MED1: variants seen among roughly 807,000 people sequenced by gnomAD.
MED1 encodes the protein mediator of RNA polymerase II transcription subunit 1.
Under a neutral mutation model 121.3 loss-of-function variants are expected in MED1, and 17 were observed. That is an observed-to-expected ratio of 0.14 (90% CI 0.10 to 0.21). The LOEUF (loss-of-function observed/expected upper bound fraction) is 0.21. Among genes scored for constraint, MED1 ranks in the 10% least tolerant of loss-of-function variants. MED1 has a pLI of 1.00. For missense variants in MED1, 1,558 were observed against 1,919.4 expected, an observed-to-expected ratio of 0.81 and a Z score of 3.52; for synonymous variants, 661 against 694.4, an observed-to-expected ratio of 0.95 and a Z score of 0.76.
intron 3 of MED1, among the ~76,000 whole-genome samples, chr17:39,442,834 G>A (rs2048691533): frequency 6.8e-6 from 1 of 147,158 alleles, no homozygotes; most frequent in Non-Finnish European, 1.5e-5. Context: ...GAACCCAGGA[G>A]GCAGAGGTTG....
At chr17:39,445,181 A>G (rs1360279723) in intron 2 of MED1, among the ~76,000 whole-genome samples, 1 of 152,118 alleles carries the variant, frequency 6.6e-6, no homozygotes, top group Non-Finnish European at 1.5e-5. Context: ...TCATAAATTA[A>G]TAAATAAGCA....
intron 3 of MED1, among the ~76,000 whole-genome samples, chr17:39,441,846 TA>T (rs1195752994): frequency 1.3e-5 from 2 of 152,184 alleles, no homozygotes; most frequent in Non-Finnish European, 2.9e-5. Context: ...CTCACGCCTG[TA>T]ATCCCAACAC....
Position 39,431,117 on chromosome 17 carries a change from C to G in MED1, c.647G>C (p.Gly216Ala). ...ACAAGCAAAATAGGATCACGTACCCCCACTCCTTGGTGTGAGATAGCCAAC... is the reference window on the plus strand; with the variant it reads ...ACAAGCAAAATAGGATCACGTACCCGCACTCCTTGGTGTGAGATAGCCAAC... ...GSVGYLTPRS[G>A]GHLMNLKYYV... The change falls in exon 9 of 17, where the codon GGG (glycine) becomes GCG (alanine). Residue 216 changes from glycine to alanine, a missense_variant and splice_region_variant. Gly to Ala is a moderately conservative substitution (Grantham distance 60). Coordinates refer to ENST00000300651, the MANE Select transcript of MED1 (RefSeq NM_004774.4). 6.2e-7 allele frequency: 1 copy of G among 1,610,824 alleles called. No individual in the cohort carries two copies. The highest frequency in any genetic ancestry group is 8.5e-7 in the Non-Finnish European group (1 of 1,177,118).
In MED1 at chr17:39,428,670, C is replaced by T. The variant is rs370928316; in HGVS notation, c.650-880G>A. ...ATAAAAAATAAAGAAATATGACAGG[C>T]GCTTGGGTGTGGTGGCACACACCTG... On this transcript the variant is annotated intron_variant, in intron 9 of 16. Transcript: ENST00000300651. Among the ~76,000 whole-genome samples the T allele has an allele frequency of 1.6e-4, 24 of 150,678 alleles. No homozygotes were observed. In the East Asian group the frequency reaches 3.2e-3, roughly 20 times the overall value.
In MED1 at chr17:39,423,387, C is replaced by G. The variant is rs1234183197; in HGVS notation, c.1035G>C (p.Gln345His). 2.5e-6 allele frequency: 4 copies of G among 1,614,006 alleles called. No individual in the cohort carries two copies. Among genetic ancestry groups the G allele is most frequent in the African/African-American group, 1.3e-5 (1 of 75,000 alleles). The change falls in exon 13 of 17, where the codon CAG becomes CAC. Residue 345 changes from glutamine (Q) to histidine (H), a missense_variant. By Grantham distance (24) the Gln-to-His change is conservative. Around this residue, in one of 5 missense-constraint regions of MED1, gnomAD observed 443 missense variants for 532.4 expected, o/e 0.83. Coordinates refer to ENST00000300651, the MANE Select transcript of MED1 (RefSeq NM_004774.4). ...GGTCAGGGTCCTTTGATAGCTCAAA[C>G]TGAGTGATCAGTTCATACAGGGGTG... ...TYAPLYELIT[Q>H]FELSKDPDPI...
chr17:39,429,122 C>T (rs190778974), intron 9 of MED1, among the ~76,000 whole-genome samples: 15 of 151,408 alleles, frequency 9.9e-5, no homozygotes, highest in East Asian at 7.9e-4. Flanking sequence ...GAGTTCAAGT[C>T]TATAGTGAGT....
rs756374273 is a variant in MED1, at chr17:39,434,251, G to C, written c.498C>G (p.Asp166Glu). Residue 166 changes from aspartate (D) to glutamate (E), a missense_variant and splice_region_variant, in exon 7 of 17, where the codon GAC (aspartate) becomes GAG (glutamate). Around this residue, in one of 5 missense-constraint regions of MED1, gnomAD observed 443 missense variants for 532.4 expected, o/e 0.83. Transcript: ENST00000300651. Reference protein sequence around the residue: ...GLVNLYNLPGDNKLKTKMYLA... With the variant: ...GLVNLYNLPGENKLKTKMYLA... ...GCAAAAATATTAAAAATACTTACTT[G>C]TCCCCTGGAAGGTTATACAGATTAA... 6.5e-7 allele frequency: 1 copy of C among 1,532,604 alleles called. No individual in the cohort carries two copies. 94.9% of individuals were successfully genotyped at this position (1,532,604 alleles called of 1,614,324 possible).
intron 13 of MED1, among the ~76,000 whole-genome samples, chr17:39,420,657 A>G (rs1293175246): frequency 6.6e-6 from 1 of 151,958 alleles, no homozygotes; most frequent in African/African-American, 2.4e-5. Context: ...CTTTTGAGAC[A>G]GGGTTTCACT....
Position 39,447,784 on chromosome 17 carries a change from A to T in MED1, c.132+14T>A. On this transcript the variant is annotated intron_variant, in intron 2 of 16. Transcript: ENST00000300651. Reference sequence around the variant, plus strand: ...CTAAGCAAAACACTTTACCCACTTCACCACAATCCTTACCATGACTTGACG... The same window carrying T: ...CTAAGCAAAACACTTTACCCACTTCTCCACAATCCTTACCATGACTTGACG... The T allele has an allele frequency of 6.3e-7, 1 of 1,586,968 alleles. No individual in the cohort carries two copies. The highest frequency in any genetic ancestry group is 1.1e-5 in the South Asian group (1 of 89,748).
intron 16 of MED1, among the ~76,000 whole-genome samples, chr17:39,414,693 C>CGG (rs926766931): frequency 9.3e-5 from 10 of 107,318 alleles, no homozygotes; most frequent in Non-Finnish European, 1.4e-4. Flanking sequence ...AACAAAAACA[C>CGG]GGAGTCTTGC....
At chr17:39,431,653 T>C (rs1036096258) in intron 8 of MED1, among the ~76,000 whole-genome samples, 1 of 152,274 alleles carries the variant, frequency 6.6e-6, no homozygotes, top group Non-Finnish European at 1.5e-5. Flanking sequence ...ACCTCCAAAG[T>C]AAAGGGATTA....
At chr17:39,426,213 AAGAC>A (rs2048514070) in intron 10 of MED1, among the ~76,000 whole-genome samples, 1 of 152,160 alleles carries the variant, frequency 6.6e-6, no homozygotes, top group African/African-American at 2.4e-5. Flanking sequence ...TTCGGAGGCC[AAGAC>A]AGGTGGATCA....
intron 10 of MED1, among the ~76,000 whole-genome samples, chr17:39,426,817 A>G (rs2048519233): frequency 6.6e-6 from 1 of 152,096 alleles, no homozygotes; most frequent in African/African-American, 2.4e-5. Context: ...TACAGGCATG[A>G]GCCACCGCGC....
At chr17:39,421,682 C>A (rs1597859926) in intron 13 of MED1, among the ~76,000 whole-genome samples, 1 of 152,128 alleles carries the variant, frequency 6.6e-6, no homozygotes, top group Non-Finnish European at 1.5e-5. Context: ...AGTCACTGTG[C>A]CCAGCCTCTT....
chr17:39,430,860 A>G (rs934116676), intron 9 of MED1, among the ~76,000 whole-genome samples: 4 of 152,060 alleles, frequency 2.6e-5, no homozygotes, highest in South Asian at 4.2e-4. Flanking sequence ...TCTACCAACA[A>G]TAGAATAAAT....
At position 39,409,053 on chromosome 17, in the gene MED1, G is replaced by A; in HGVS notation, c.3168C>T (p.Ala1056=). 6.2e-7 allele frequency: 1 copy of A among 1,614,116 alleles called. No homozygotes were observed. ...TAGTGATTTTGGGAATGGGTGGTGTGGCAACACCTGGGGGAGTCTGAGATC... is the reference window on the plus strand; with the variant it reads ...TAGTGATTTTGGGAATGGGTGGTGTAGCAACACCTGGGGGAGTCTGAGATC... The part of the protein sequence containing the change: ...AGRSQTPPGV[A]TPPIPKITIQ... Residue 1056 remains alanine (A), a synonymous_variant, in exon 17 of 17, where the codon GCC becomes GCT. Transcript: ENST00000300651.
rs747738951 is a variant in MED1 at position 39,440,456 on chromosome 17, A to G, written c.329T>C (p.Val110Ala). 6.3e-7 allele frequency: 1 copy of G among 1,599,626 alleles called. No individual in the cohort carries two copies. Among genetic ancestry groups the G allele is most frequent in the Non-Finnish European group, 8.5e-7 (1 of 1,176,762 alleles). ...ECYITSDMFY[V>A]EVQLDPAGQL... ...TCCTGCAGGATCTAACTGCACTTCC[A>G]CATAGAACATATCTGACGTGATGTA... The change falls in exon 5 of 17, where the codon GTG (valine) becomes GCG (alanine). Residue 110 changes from valine (V) to alanine (A), a missense_variant. Physicochemically the swap from Val to Ala is moderately conservative, Grantham distance 64. This residue lies in a region of MED1 where 443 missense variants were observed against 532.4 expected (regional missense o/e 0.83). Coordinates refer to ENST00000300651, the MANE Select transcript of MED1 (RefSeq NM_004774.4). The surrounding 1 kb of genome is among the most constrained non-coding windows in gnomAD (Gnocchi z 4.1).
In MED1 at chr17:39,447,920, G is replaced by T; in HGVS notation, c.26-16C>A. The T allele has an allele frequency of 6.4e-7, 1 of 1,553,872 alleles. No homozygotes were observed. On this transcript the variant is annotated splice_polypyrimidine_tract_variant and intron_variant, in intron 1 of 16. Transcript: ENST00000300651. ...TTTTCTGACTCTATGATTTAAATCA[G>T]AAAACGTTATCAGTAACTGTTCTAT...
At chr17:39,438,527 T>A (rs1031039064) in intron 6 of MED1, among the ~76,000 whole-genome samples, 2 of 151,680 alleles carry the variant, frequency 1.3e-5, no homozygotes, top group African/African-American at 2.4e-5. Flanking sequence ...TATTTTTTCT[T>A]TTTTTAGTAG....
Sources: gnomAD v4.1 joint callset for allele counts (sites outside exome capture counted in the v4.1 genomes callset) on GRCh38, gnomAD v4.1.1 for gene constraint, gnomAD v4.1.1 regional missense constraint, Gnocchi (gnomAD v3.1) non-coding constraint, MANE v1.5 for transcripts, NCBI Gene and HGNC (gene_info 2026-07-23, HGNC 2026-07-21) for gene names.